TAF1A: variants seen among roughly 807,000 people sequenced by gnomAD.
The protein encoded by TAF1A is TATA-box binding protein associated factor, RNA polymerase I subunit A.
Under a neutral mutation model 61.6 loss-of-function variants are expected in TAF1A, and 42 were observed. The observed-to-expected ratio is 0.68, with a 90% CI of 0.53 to 0.88. The LOEUF is 0.88. TAF1A is among the 40% of genes least tolerant of loss of function. The pLI, the probability that TAF1A is intolerant of heterozygous loss-of-function variation, is 0.00. For missense variants in TAF1A, 424 were observed against 518.7 expected (o/e 0.82, Z 1.77); for synonymous variants, 179 against 177.7 (o/e 1.01, Z -0.06).
At chr1:222,559,300 C>T (rs1051791042) in intron 10 of TAF1A, among the ~76,000 whole-genome samples, 1 of 152,218 alleles carries the variant, frequency 6.6e-6, no homozygotes, top group Admixed American at 6.5e-5. Context: ...TAGAAACGGT[C>T]AAACATTATC....
chr1:222,568,594 T>G (rs1660216375), intron 7 of TAF1A, among the ~76,000 whole-genome samples: 1 of 152,164 alleles, frequency 6.6e-6, no homozygotes, highest in Non-Finnish European at 1.5e-5. Flanking sequence ...TCAAAAGACC[T>G]CCAATACCAA....
intron 7 of TAF1A, among the ~76,000 whole-genome samples, chr1:222,565,877 A>G (rs372643855): frequency 2.4e-4 from 36 of 152,304 alleles, no homozygotes; most frequent in East Asian, 3.9e-4. Context: ...AACAACAACA[A>G]CAGCAAAGGA....
At chr1:222,584,031 A>T in intron 3 of TAF1A, 97 bp downstream of exon 3, 4 of 1,438,954 alleles carry the variant, frequency 2.8e-6, no homozygotes, top group Non-Finnish European at 3.7e-6. Context: ...CTTTTAGCAA[A>T]ATCACTGAGA....
intron 5 of TAF1A, among the ~76,000 whole-genome samples, chr1:222,574,323 T>C (rs914548483): frequency 1.3e-5 from 2 of 152,078 alleles, no homozygotes; most frequent in African/African-American, 2.4e-5. Context: ...ACCCAACAAA[T>C]TGGCTGATAT....
chr1:222,561,777 C>T (rs906570697), intron 9 of TAF1A, among the ~76,000 whole-genome samples: 1 of 152,164 alleles, frequency 6.6e-6, no homozygotes, highest in Non-Finnish European at 1.5e-5. Context: ...AGACTCGAAG[C>T]CAGAATCCTG....
At chr1:222,574,315 C>A (rs1305336162) in intron 5 of TAF1A, among the ~76,000 whole-genome samples, 2 of 151,870 alleles carry the variant, frequency 1.3e-5, no homozygotes, top group Non-Finnish European at 2.9e-5. Context: ...ATCACTACAC[C>A]CAACAAATTG....
intron 2 of TAF1A, among the ~76,000 whole-genome samples, chr1:222,587,628 A>G (rs1011609148): frequency 6.6e-6 from 1 of 152,214 alleles, no homozygotes. Context: ...TACTTATATT[A>G]AATATATTCT....
rs547488293 is a variant in TAF1A at position 222,581,051 on chromosome 1, G to A, written c.292-1179C>T. On this transcript the variant is annotated intron_variant, in intron 3 of 10. Transcript: ENST00000352967. ...GCGGAGCTTGCAGCGAGCCAAGATC[G>A]TGCCACTGCACTCCAGCCTGGGTGA... is the stretch of plus-strand genomic sequence containing the variant. 6.0e-4 allele frequency among the ~76,000 whole-genome samples: 92 copies of A among 152,216 alleles called. 1 individual carries two copies. The highest frequency in any genetic ancestry group is 2.0e-3 in the African/African-American group (85 of 41,550).
chr1:222,586,602 A>G (rs754291665), intron 2 of TAF1A, among the ~76,000 whole-genome samples: 1 of 152,188 alleles, frequency 6.6e-6, no homozygotes, highest in East Asian at 1.9e-4. Flanking sequence ...AGTGTCATCA[A>G]CCTAACTTCT....
chr1:222,585,097 A>G (rs1660958852), intron 2 of TAF1A, among the ~76,000 whole-genome samples: 1 of 152,220 alleles, frequency 6.6e-6, no homozygotes, highest in African/African-American at 2.4e-5. Flanking sequence ...ATCATTACAC[A>G]CTATCTGAAG....
chr1:222,556,120 T>G (rs750701661), downstream of TAF1A, among the ~76,000 whole-genome samples: 2 of 152,148 alleles, frequency 1.3e-5, no homozygotes, highest in Non-Finnish European at 2.9e-5. Context: ...AGAAGCATAA[T>G]CACTAATCCC....
downstream of TAF1A, among the ~76,000 whole-genome samples, chr1:222,554,610 G>C (rs1210989886): frequency 1.3e-5 from 2 of 151,998 alleles, no homozygotes; most frequent in African/African-American, 4.8e-5. Flanking sequence ...TTTAATTTTT[G>C]TTGCTTTTCC....
At chr1:222,587,248 T>C (rs959528111) in intron 2 of TAF1A, among the ~76,000 whole-genome samples, 1 of 152,204 alleles carries the variant, frequency 6.6e-6, no homozygotes, top group African/African-American at 2.4e-5. Context: ...GTACTTTACA[T>C]ATATTGTCTC....
intron 8 of TAF1A, 25 bp from the exon 9 acceptor site, chr1:222,563,321 T>C: frequency 6.2e-7 from 1 of 1,608,780 alleles, no homozygotes; most frequent in Non-Finnish European, 8.5e-7. Flanking sequence ...ACAGTTCAAG[T>C]TTACATAAGG....
intron 7 of TAF1A, among the ~76,000 whole-genome samples, chr1:222,565,451 T>C (rs1408338285): frequency 6.6e-6 from 1 of 152,244 alleles, no homozygotes; most frequent in Admixed American, 6.5e-5. Flanking sequence ...AAATCCATCT[T>C]GTCTTGAATA....
At chr1:222,557,532 C>T (rs1321342000), downstream of TAF1A, among the ~76,000 whole-genome samples, 2 of 152,162 alleles carry the variant, frequency 1.3e-5, no homozygotes, top group African/African-American at 4.8e-5. Context: ...CTCACTGCAG[C>T]CTCCGCTTCC....
At chr1:222,561,271 A>G in intron 10 of TAF1A, 93 bp downstream of exon 10, 2 of 1,310,512 alleles carry the variant, frequency 1.5e-6, no homozygotes, top group Non-Finnish European at 2.1e-6. Flanking sequence ...ATTTTTAGGT[A>G]CCATGTTAGG....
downstream of TAF1A, among the ~76,000 whole-genome samples, chr1:222,556,432 G>T (rs942827998): frequency 1.3e-5 from 2 of 152,158 alleles, no homozygotes; most frequent in Non-Finnish European, 2.9e-5. Context: ...GTGATCTTTG[G>T]AACCACATTG....
At chr1:222,569,169 A>C (rs951174428) in intron 7 of TAF1A, 22 of 871,274 alleles carry the variant, frequency 2.5e-5, no homozygotes, top group Non-Finnish European at 2.9e-5. Context: ...TGGTTCATGA[A>C]TGTAACGCAT....
Sources: allele counts gnomAD v4.1 joint callset (sites outside exome capture counted in the v4.1 genomes callset), GRCh38; gene constraint gnomAD v4.1.1; transcripts MANE v1.5; gene names NCBI Gene and HGNC (gene_info 2026-07-23, HGNC 2026-07-21).